The following NUDCD3 variants were observed in gnomAD, a reference collection of about 807,000 sequenced individuals.
NUDCD3 encodes nudC domain-containing protein 3.
NUDCD3 carries 13 observed loss-of-function variants against 39.7 expected under a neutral mutation model. The ratio of observed to expected loss-of-function variants is 0.33; its 90% CI spans 0.21 to 0.52. The LOEUF (loss-of-function observed/expected upper bound fraction) is 0.52. Among genes scored for constraint, NUDCD3 ranks in the 20% least tolerant of loss-of-function variants. The pLI, the probability that NUDCD3 is intolerant of heterozygous loss-of-function variation, is 0.96. For synonymous variants in NUDCD3, 175 were observed against 172.4 expected (o/e 1.02, Z -0.12); for missense variants, 453 against 458.1 (o/e 0.99, Z 0.10).
chr7:44,414,204 T>C (rs985315996), intron 3 of NUDCD3, among the ~76,000 whole-genome samples: 6 of 152,172 alleles, frequency 3.9e-5, no homozygotes, highest in Admixed American at 3.9e-4. Flanking sequence ...AACCTAAATG[T>C]CCATTAACAA....
intron 2 of NUDCD3, among the ~76,000 whole-genome samples, chr7:44,483,548 T>G (rs1238462576): frequency 6.6e-6 from 1 of 152,172 alleles, no homozygotes. Flanking sequence ...TTTCACCCCT[T>G]CTCATCCAGA....
At chr7:44,478,116 G>A (rs1039049436) in intron 2 of NUDCD3, among the ~76,000 whole-genome samples, 4 of 152,128 alleles carry the variant, frequency 2.6e-5, no homozygotes, top group African/African-American at 9.7e-5. Context: ...TTACAGGCAT[G>A]AGCCACCACA....
chr7:44,393,462 G>A (rs1400870002), intron 4 of NUDCD3, among the ~76,000 whole-genome samples: 1 of 152,202 alleles, frequency 6.6e-6, no homozygotes, highest in African/African-American at 2.4e-5. Flanking sequence ...ACCATGCCCT[G>A]TTATCAGTGG....
chr7:44,464,136 C>T (rs1687505801), intron 2 of NUDCD3, among the ~76,000 whole-genome samples: 1 of 151,562 alleles, frequency 6.6e-6, no homozygotes, highest in African/African-American at 2.4e-5. Context: ...ATTGCTTGAA[C>T]CCGAGAGGAA....
rs1372698137 is a variant in NUDCD3 at position 44,453,919 on chromosome 7, T to C, written c.510-26216A>G. Among the ~76,000 whole-genome samples the C allele has an allele frequency of 2.6e-5, 4 of 152,144 alleles. No homozygotes were observed. In the South Asian group the frequency reaches 6.2e-4, roughly 24 times the overall value. Reference sequence around the variant, plus strand: ...TTAGCTGAGGGTGGTGGTGCATGTCTGTGCTTCCAGCTACTTGGGAGGCTA... The same window carrying C: ...TTAGCTGAGGGTGGTGGTGCATGTCCGTGCTTCCAGCTACTTGGGAGGCTA... On this transcript the variant is annotated intron_variant, in intron 2 of 5. Transcript: ENST00000355451.
Position 44,386,123 on chromosome 7 carries a change from T to C in NUDCD3, c.976-2A>G. 1 of 1,614,128 alleles carries C rather than the reference T, an allele frequency of 6.2e-7. No homozygotes were observed. The highest frequency in any genetic ancestry group is 8.5e-7 in the Non-Finnish European group (1 of 1,179,984). On this transcript the variant is annotated splice_acceptor_variant, in intron 5 of 5. Coordinates refer to ENST00000355451, the MANE Select transcript of NUDCD3 (RefSeq NM_015332.4). LOFTEE classifies it high-confidence loss of function. ...CTTCTTCAGCATCTCATGGACTTTCTACAAACAGAAAATAGAGAGATTAAA... is the reference window on the plus strand; with the variant it reads ...CTTCTTCAGCATCTCATGGACTTTCCACAAACAGAAAATAGAGAGATTAAA...
intron 2 of NUDCD3, among the ~76,000 whole-genome samples, chr7:44,460,600 G>C (rs892135285): frequency 2.0e-5 from 3 of 151,958 alleles, no homozygotes; most frequent in African/African-American, 7.3e-5. Flanking sequence ...ATTTACCACT[G>C]ACTACATCTG....
intron 2 of NUDCD3, among the ~76,000 whole-genome samples, chr7:44,470,469 C>T (rs1484711975): frequency 6.6e-6 from 1 of 152,170 alleles, no homozygotes; most frequent in Non-Finnish European, 1.5e-5. Context: ...GGTTTAAGGT[C>T]CCCCCAATGT....
chr7:44,379,544 T>G lies in NUDCD3; in HGVS notation c.*6467A>C, dbSNP rs1798273622. On this transcript the variant is annotated 3_prime_UTR_variant, in exon 6 of 6. Transcript: ENST00000355451. ...AGGTTACCAGCAGGAGAGCCTGGAG[T>G]GTCGAGGAGTCACCACGGCCCTGCA... The G allele has an allele frequency of 1.3e-5, 2 of 151,848 alleles. No individual in the cohort carries two copies. Among genetic ancestry groups the G allele is most frequent in the Admixed American group, 1.3e-4 (2 of 15,252 alleles). 9.4% of individuals were successfully genotyped at this position (151,848 alleles called of 1,614,324 possible). A position where few individuals can be genotyped will look rare whatever the true frequency, so the allele number is the denominator to read the frequency against.
At chr7:44,442,693 C>CTTTTTTT (rs869244799) in intron 2 of NUDCD3, among the ~76,000 whole-genome samples, 3 of 124,352 alleles carry the variant, frequency 2.4e-5, no homozygotes, top group African/African-American at 2.9e-5. Flanking sequence ...CTCCCCTTTT[C>CTTTTTTT]TTTTTTTTTT....
chr7:44,434,214 A>T (rs1424715980), intron 2 of NUDCD3, among the ~76,000 whole-genome samples: 1 of 151,954 alleles, frequency 6.6e-6, no homozygotes, highest in Non-Finnish European at 1.5e-5. Context: ...CTCAAAAATG[A>T]CTCGATGCCT....
intron 2 of NUDCD3, among the ~76,000 whole-genome samples, chr7:44,482,293 C>T (rs975846859): frequency 1.3e-5 from 2 of 152,080 alleles, no homozygotes; most frequent in Admixed American, 6.5e-5. Flanking sequence ...AGCTGGGAGA[C>T]GTTCAAGCCT....
chr7:44,402,984 A>G (rs1407643030), intron 4 of NUDCD3: 1 of 214,138 alleles, frequency 4.7e-6, no homozygotes, highest in African/African-American at 2.3e-5. Flanking sequence ...AGGAACTGGT[A>G]GTAGTCACAG....
intron 3 of NUDCD3, among the ~76,000 whole-genome samples, chr7:44,421,872 G>A (rs1472120651): frequency 1.3e-5 from 2 of 152,008 alleles, no homozygotes; most frequent in Non-Finnish European, 2.9e-5. Flanking sequence ...TTCTAAAATC[G>A]ACCACACAAT....
chr7:44,385,654 A>C lies in NUDCD3; in HGVS notation c.*357T>G. On this transcript the variant is annotated 3_prime_UTR_variant, in exon 6 of 6. Coordinates refer to ENST00000355451, the MANE Select transcript of NUDCD3 (RefSeq NM_015332.4). ...CAACCAGAAGACATGCAAGCAGAAT[A>C]GCGTCAAAACAACAGCAAGCAGAGA... 4.0e-6 allele frequency: 1 copy of C among 249,660 alleles called. No individual in the cohort carries two copies. Among genetic ancestry groups the C allele is most frequent in the Non-Finnish European group, 7.7e-6 (1 of 129,860 alleles). 15.5% of individuals were successfully genotyped at this position (249,660 alleles called of 1,614,324 possible).
At chr7:44,390,091 G>A (rs1047387293) in intron 5 of NUDCD3, among the ~76,000 whole-genome samples, 3 of 152,202 alleles carry the variant, frequency 2.0e-5, no homozygotes, top group Admixed American at 6.5e-5. Context: ...CTGGCCAGGC[G>A]TGGTGGCTCA....
intron 3 of NUDCD3, among the ~76,000 whole-genome samples, chr7:44,420,102 C>A (rs1554489890): frequency 6.6e-6 from 1 of 151,928 alleles, no homozygotes; most frequent in Non-Finnish European, 1.5e-5. Context: ...AGAACCTTGA[C>A]AAAAGGTTAC....
intron 2 of NUDCD3, among the ~76,000 whole-genome samples, chr7:44,457,824 CA>C (rs1006117875): frequency 6.6e-6 from 1 of 151,698 alleles, no homozygotes; most frequent in East Asian, 1.9e-4. Flanking sequence ...TAGCCACAAT[CA>C]AAAAAAATAG....
In NUDCD3 at chr7:44,469,115, C is replaced by CAAAAAAAAA. The variant is rs756247647; in HGVS notation, c.509+15844_509+15852dup. ...AGGGCCAGTTTTCAAACAAACAAAC[C>CAAAAAAAAA]AAAAAAAAAAAAAAAAAAAAAAAAA... is the stretch of plus-strand genomic sequence containing the variant. On this transcript the variant is annotated intron_variant, in intron 2 of 5. Coordinates refer to ENST00000355451, the MANE Select transcript of NUDCD3 (RefSeq NM_015332.4). Among the ~76,000 whole-genome samples the CAAAAAAAAA allele has an allele frequency of 9.1e-5, 3 of 32,842 alleles. No homozygotes were observed. The East Asian group carries it at 4.1e-3, about 45-fold the overall frequency. 21.5% of individuals were successfully genotyped at this position (32,842 alleles called of 152,430 possible). A position where few individuals can be genotyped will look rare whatever the true frequency, so the allele number is the denominator to read the frequency against.
Sources: allele counts gnomAD v4.1 joint callset (sites outside exome capture counted in the v4.1 genomes callset), GRCh38; gene constraint gnomAD v4.1.1; transcripts MANE v1.5; gene names NCBI Gene and HGNC (gene_info 2026-07-23, HGNC 2026-07-21).